PARD3: variants seen among roughly 807,000 people sequenced by gnomAD.
PARD3 encodes the protein partitioning defective 3 homolog.
Under a neutral mutation model 155.4 loss-of-function variants are expected in PARD3, and 75 were observed. The ratio of observed to expected loss-of-function variants is 0.48; its 90% CI spans 0.40 to 0.58. The LOEUF is 0.58. Among genes scored for constraint, PARD3 ranks in the 20% least tolerant of loss-of-function variants. The pLI is 0.00. For synonymous variants in PARD3, 576 were observed against 610.5 expected (o/e 0.94, Z 0.83); for missense variants, 1,642 against 1,721.7 (o/e 0.95, Z 0.82).
intron 3 of PARD3, among the ~76,000 whole-genome samples, chr10:34,482,052 T>TTTTTTTA (rs2079119324): frequency 6.8e-6 from 1 of 146,952 alleles, no homozygotes; most frequent in African/African-American, 2.5e-5. Context: ...TTTTTTTTTT[T>TTTTTTTA]GAAGCAGCAT....
chr10:34,652,748 A>G (rs1205898575), intron 2 of PARD3, among the ~76,000 whole-genome samples: 1 of 152,238 alleles, frequency 6.6e-6, no homozygotes, highest in Non-Finnish European at 1.5e-5. Context: ...AGGCATGCAT[A>G]TACATTCTAG....
At chr10:34,321,963 C>G (rs191296779) in intron 19 of PARD3, among the ~76,000 whole-genome samples, 1 of 151,680 alleles carries the variant, frequency 6.6e-6, no homozygotes, top group African/African-American at 2.4e-5. Context: ...AGTCTATTTC[C>G]CCCCCCCATT....
At chr10:34,487,173 T>C (rs2079533836) in intron 3 of PARD3, among the ~76,000 whole-genome samples, 1 of 152,084 alleles carries the variant, frequency 6.6e-6, no homozygotes. Context: ...CCAAGTTCTC[T>C]CTTCTGGGCC....
chr10:34,528,390 T>A (rs1480351299), intron 2 of PARD3, among the ~76,000 whole-genome samples: 1 of 152,178 alleles, frequency 6.6e-6, no homozygotes, highest in Non-Finnish European at 1.5e-5. Flanking sequence ...ATCCTGCGGT[T>A]TGCCAGGAAT....
chr10:34,389,805 T>A (rs1157146375), intron 7 of PARD3, among the ~76,000 whole-genome samples: 1 of 151,980 alleles, frequency 6.6e-6, no homozygotes, highest in Non-Finnish European at 1.5e-5. Context: ...TTTAAAGGAA[T>A]GCCAAGTTAA....
intron 2 of PARD3, among the ~76,000 whole-genome samples, chr10:34,553,600 G>A (rs2084766776): frequency 6.6e-6 from 1 of 152,184 alleles, no homozygotes; most frequent in African/African-American, 2.4e-5. Flanking sequence ...CATGGAACAT[G>A]CTAAGGAGAG....
rs868845105 is a variant in PARD3, at chr10:34,609,694, T to C, written c.222+86624A>G. Among the ~76,000 whole-genome samples the C allele has an allele frequency of 2.6e-5, 4 of 152,266 alleles. No individual in the cohort carries two copies. The South Asian group carries it at 8.3e-4, about 32-fold the overall frequency. ...AGTAGCTAGGGCTATCTAGCCACCA[T>C]GTCCTGTTATTTTTATCTTTTGTTT... On this transcript the variant is annotated intron_variant, in intron 2 of 24. Transcript: ENST00000374788.
At chr10:34,428,263 A>G (rs2075725693) in intron 5 of PARD3, among the ~76,000 whole-genome samples, 1 of 152,236 alleles carries the variant, frequency 6.6e-6, no homozygotes, top group Admixed American at 6.5e-5. Flanking sequence ...ATTCTTATGA[A>G]TAAGCCTAGT....
intron 20 of PARD3, among the ~76,000 whole-genome samples, chr10:34,310,051 A>G (rs1299362533): frequency 6.6e-6 from 1 of 152,184 alleles, no homozygotes; most frequent in East Asian, 1.9e-4. Context: ...TCAATTAGGA[A>G]AGAGATCCCC....
chr10:34,342,352 T>C (rs184181408), intron 15 of PARD3, among the ~76,000 whole-genome samples: 3 of 152,282 alleles, frequency 2.0e-5, no homozygotes, highest in South Asian at 2.1e-4. Flanking sequence ...TTCACTTGTG[T>C]TGTAATTGCC....
intron 22 of PARD3, among the ~76,000 whole-genome samples, chr10:34,168,390 ATTATT>A (rs1325835900): frequency 6.6e-6 from 1 of 151,986 alleles, no homozygotes; most frequent in Non-Finnish European, 1.5e-5. Context: ...AGTGACTTTG[ATTATT>A]TTATTTTTTG....
chr10:34,530,171 G>A (rs996225185), intron 2 of PARD3, among the ~76,000 whole-genome samples: 1 of 152,114 alleles, frequency 6.6e-6, no homozygotes, highest in Non-Finnish European at 1.5e-5. Context: ...TGGAGAAGGT[G>A]GAAAGGGAGG....
At chr10:34,767,684 C>T (rs59048385) in intron 1 of PARD3, among the ~76,000 whole-genome samples, 3,598 of 151,942 alleles carry the variant, frequency 0.024, 143 homozygotes, top group African/African-American at 0.083. Flanking sequence ...CTGCAGCCTC[C>T]GCCTCCTGGG....
chr10:34,691,213 G>C (rs1461345271), intron 2 of PARD3, among the ~76,000 whole-genome samples: 1 of 152,106 alleles, frequency 6.6e-6, no homozygotes, highest in Admixed American at 6.6e-5. Flanking sequence ...CTGCCCAAAA[G>C]CTCCTTGATC....
intron 2 of PARD3, among the ~76,000 whole-genome samples, chr10:34,570,257 T>C (rs916928921): frequency 6.6e-6 from 1 of 152,218 alleles, no homozygotes; most frequent in African/African-American, 2.4e-5. Flanking sequence ...TGTGTCTTCT[T>C]ACTTCTGAAG....
chr10:34,411,919 C>CGTGT (rs61517279), intron 5 of PARD3, among the ~76,000 whole-genome samples: 4,796 of 141,086 alleles, frequency 0.034, 99 homozygotes, highest in Admixed American at 0.042. Flanking sequence ...ATAAGCTAGT[C>CGTGT]GTGTGTGTGT....
intron 22 of PARD3, among the ~76,000 whole-genome samples, chr10:34,134,548 G>T (rs1947791932): frequency 6.6e-6 from 1 of 152,300 alleles, no homozygotes; most frequent in East Asian, 1.9e-4. Flanking sequence ...TGGTGACACT[G>T]GTGTTTTTCA....
intron 2 of PARD3, among the ~76,000 whole-genome samples, chr10:34,692,605 T>G (rs779984534): frequency 1.3e-5 from 2 of 152,226 alleles, no homozygotes; most frequent in Non-Finnish European, 2.9e-5. Flanking sequence ...CCAGGCGTGG[T>G]GGCTTACGCC....
At chr10:34,413,142 T>TACAC (rs1336586740) in intron 5 of PARD3, among the ~76,000 whole-genome samples, 288 of 132,538 alleles carry the variant, frequency 2.2e-3, no homozygotes, top group East Asian at 0.016. Flanking sequence ...TTCAGATATA[T>TACAC]ATACACACAC....
Sources: allele counts gnomAD v4.1 joint callset (sites outside exome capture counted in the v4.1 genomes callset), GRCh38; gene constraint gnomAD v4.1.1; transcripts MANE v1.5; gene names NCBI Gene and HGNC (gene_info 2026-07-23, HGNC 2026-07-21).